AKT3: variants seen among roughly 807,000 people sequenced by gnomAD.
The protein encoded by AKT3 is RAC-gamma serine/threonine-protein kinase.
In AKT3, 15 loss-of-function variants were observed where a neutral mutation model predicts 65.3. The ratio of observed to expected loss-of-function variants is 0.23; its 90% confidence interval spans 0.15 to 0.35. The LOEUF (loss-of-function observed/expected upper bound fraction) is 0.35, where lower values mean the gene tolerates loss of function less well. Among genes scored for constraint, AKT3 ranks in the 10% least tolerant of loss-of-function variants. The pLI, the probability that AKT3 is intolerant of heterozygous loss-of-function variation, is 1.00. For synonymous variants in AKT3, 206 were observed against 183.8 expected (o/e 1.12, Z -0.98); for missense variants, 243 against 576.5 (o/e 0.42, Z 5.92).
intron 2 of AKT3, among the ~76,000 whole-genome samples, chr1:243,834,595 G>C (rs1377592711): frequency 6.6e-6 from 1 of 152,096 alleles, no homozygotes; most frequent in Non-Finnish European, 1.5e-5. Flanking sequence ...TGGAGGGTGG[G>C]AGAAAGGTGA....
chr1:243,695,729 AG>A lies in AKT3; in HGVS notation c.47-14del. 7 of 1,577,534 alleles carry A rather than the reference AG, an allele frequency of 4.4e-6. No homozygotes were observed. Among genetic ancestry groups the A allele is most frequent in the Non-Finnish European group, 6.0e-6 (7 of 1,166,122 alleles). On this transcript the variant is annotated splice_polypyrimidine_tract_variant and intron_variant, in intron 2 of 13. Transcript: ENST00000673466. ...TTTATATATTCTCCTACATGAGGAA[AG>A]CACGCATGTTAATGCTGAAAAAAAT...
At chr1:243,815,430 C>T (rs771831228) in intron 2 of AKT3, among the ~76,000 whole-genome samples, 3 of 152,174 alleles carry the variant, frequency 2.0e-5, no homozygotes, top group Non-Finnish European at 4.4e-5. Context: ...TTTAAGCCCT[C>T]GAGCAAAGCC....
intron 2 of AKT3, among the ~76,000 whole-genome samples, chr1:243,836,798 C>A (rs931232274): frequency 2.0e-5 from 3 of 151,634 alleles, no homozygotes; most frequent in African/African-American, 4.8e-5. Flanking sequence ...TAAATCCCAG[C>A]TACTCAGGAG....
At chr1:243,687,154 C>A (rs1259768724) in intron 3 of AKT3, among the ~76,000 whole-genome samples, 1 of 152,074 alleles carries the variant, frequency 6.6e-6, no homozygotes, top group Non-Finnish European at 1.5e-5. Context: ...TCCAGTATAC[C>A]AGATATTGTA....
intron 13 of AKT3, among the ~76,000 whole-genome samples, chr1:243,506,262 C>G (rs1226768593): frequency 6.6e-6 from 1 of 152,240 alleles, no homozygotes; most frequent in African/African-American, 2.4e-5. Context: ...TTAAATCCCC[C>G]GTGCTTGCCT....
At chr1:243,842,829 A>G (rs893128993) in intron 2 of AKT3, among the ~76,000 whole-genome samples, 1 of 152,218 alleles carries the variant, frequency 6.6e-6, no homozygotes, top group Non-Finnish European at 1.5e-5. Context: ...ATCTCTCCAG[A>G]TTACAGAACC....
intron 12 of AKT3, among the ~76,000 whole-genome samples, chr1:243,519,313 GAGC>G (rs779798763): frequency 9.2e-5 from 14 of 152,180 alleles, no homozygotes; most frequent in Admixed American, 2.0e-4. Flanking sequence ...CTGCAGACAA[GAGC>G]AGAACTTTCA....
chr1:243,611,390 T>G (rs1218761821), intron 8 of AKT3, among the ~76,000 whole-genome samples: 1 of 152,184 alleles, frequency 6.6e-6, no homozygotes, highest in Non-Finnish European at 1.5e-5. Context: ...GTCATTAAGA[T>G]GTAACAATAT....
In AKT3 at chr1:243,503,639, T is replaced by C. The variant is rs1020320237; in HGVS notation, c.*1610A>G. 1 of 232,182 alleles carries C rather than the reference T, an allele frequency of 4.3e-6. No homozygotes were observed. Among genetic ancestry groups the C allele is most frequent in the African/African-American group, 2.2e-5 (1 of 45,266 alleles). 14.4% of individuals were successfully genotyped at this position (232,182 alleles called of 1,614,324 possible). A position where few individuals can be genotyped will look rare whatever the true frequency, so the allele number is the denominator to read the frequency against. ...AGGAGAAAGATGAGGTTTGCATACATGCCCCCTTTCAGTGAGAAATGTTGG... is the reference window on the plus strand; with the variant it reads ...AGGAGAAAGATGAGGTTTGCATACACGCCCCCTTTCAGTGAGAAATGTTGG... On this transcript the variant is annotated 3_prime_UTR_variant, in exon 14 of 14. Coordinates refer to ENST00000673466, the MANE Select transcript of AKT3 (RefSeq NM_005465.7).
At position 243,806,649 on chromosome 1, in the gene AKT3, T is replaced by A. The variant is rs7542159; in HGVS notation, c.46+36476A>T. ...TCTAGTGTGATTCCTTGTACCTTAG[T>A]AGGGTCTCAATAAATATCACATAGC... is the stretch of plus-strand genomic sequence containing the variant. On this transcript the variant is annotated intron_variant, in intron 2 of 13. Transcript: ENST00000673466. Among the ~76,000 whole-genome samples, 1,358 of 152,296 alleles carry A rather than the reference T, an allele frequency of 8.9e-3. 15 individuals are homozygous for A. Among genetic ancestry groups the A allele is most frequent in the African/African-American group, 0.031 (1,286 of 41,566 alleles).
intron 2 of AKT3, among the ~76,000 whole-genome samples, chr1:243,820,939 G>A (rs1255205793): frequency 6.6e-6 from 1 of 152,040 alleles, no homozygotes; most frequent in Non-Finnish European, 1.5e-5. Flanking sequence ...GAGAACCCCA[G>A]TAAGATACTC....
intron 10 of AKT3, 138 bp downstream of exon 10, chr1:243,563,582 A>T: frequency 1.9e-6 from 2 of 1,057,276 alleles, no homozygotes; most frequent in Non-Finnish European, 2.6e-6. Context: ...ATAACAAATT[A>T]AGAGCCAAAA....
chr1:243,691,552 T>C lies in AKT3; in HGVS notation c.172+4039A>G, dbSNP rs575313537. The stretch of plus-strand genomic sequence containing the variant: ...GTGATTATAGAAAAGGATCATAGGT[T>C]CAAGAAATATGCAGAATCAGCAGGA... On this transcript the variant is annotated intron_variant, in intron 3 of 13. Transcript: ENST00000673466. Among the ~76,000 whole-genome samples the C allele has an allele frequency of 1.9e-3, 295 of 152,020 alleles. 1 individual carries two copies. The highest frequency in any genetic ancestry group is 6.8e-3 in the African/African-American group (283 of 41,488).
intron 5 of AKT3, among the ~76,000 whole-genome samples, chr1:243,644,298 A>C (rs777311504): frequency 8.5e-5 from 13 of 152,204 alleles, no homozygotes; most frequent in Admixed American, 1.3e-4. Context: ...TTTGGATATT[A>C]GTTAATTTCA....
chr1:243,644,379 GGGA>G (rs1379381399), intron 5 of AKT3, among the ~76,000 whole-genome samples: 1 of 152,058 alleles, frequency 6.6e-6, no homozygotes, highest in Non-Finnish European at 1.5e-5. Flanking sequence ...GTGCTAGAAA[GGGA>G]GGAGTTCAGA....
At position 243,510,083 on chromosome 1, in the gene AKT3, A is replaced by G. The variant is rs59794969; in HGVS notation, c.1354+2241T>C. 4.2e-3 allele frequency among the ~76,000 whole-genome samples: 633 copies of G among 152,338 alleles called. 6 individuals carry two copies. The highest frequency in any genetic ancestry group is 0.014 in the African/African-American group (583 of 41,586). On this transcript the variant is annotated intron_variant, in intron 13 of 13. Coordinates refer to ENST00000673466, the MANE Select transcript of AKT3 (RefSeq NM_005465.7). Reference sequence around the variant, plus strand: ...CCAAAATAACATATTTACTTGCTCTAAAGGTACGCAAATGCCAAATGCTCT... The same window carrying G: ...CCAAAATAACATATTTACTTGCTCTGAAGGTACGCAAATGCCAAATGCTCT...
At chr1:243,689,529 G>A (rs936694192) in intron 3 of AKT3, among the ~76,000 whole-genome samples, 63 of 131,978 alleles carry the variant, frequency 4.8e-4, no homozygotes, top group South Asian at 2.3e-4. Context: ...CTTCTATGTT[G>A]CCCAGGCCGG....
chr1:243,775,432 G>A lies in AKT3; in HGVS notation c.46+67693C>T, dbSNP rs575591420. Among the ~76,000 whole-genome samples the A allele has an allele frequency of 3.7e-4, 57 of 152,138 alleles. No homozygotes were observed. In the South Asian group the frequency reaches 7.9e-3, roughly 21 times the overall value. ...CCTGACCTTGTGATCTGCCCACCTC[G>A]GCCTCCCAAAGGGCTGGGATTACGG... On this transcript the variant is annotated intron_variant, in intron 2 of 13. Coordinates refer to ENST00000673466, the MANE Select transcript of AKT3 (RefSeq NM_005465.7).
intron 2 of AKT3, among the ~76,000 whole-genome samples, chr1:243,774,531 T>C (rs1410948958): frequency 1.3e-5 from 2 of 152,216 alleles, no homozygotes; most frequent in African/African-American, 4.8e-5. Flanking sequence ...TCCAGAAGCA[T>C]ACCTGCCTTC....
Sources: gnomAD v4.1 joint callset for allele counts (sites outside exome capture counted in the v4.1 genomes callset) on GRCh38, gnomAD v4.1.1 for gene constraint, MANE v1.5 for transcripts, NCBI Gene and HGNC (gene_info 2026-07-23, HGNC 2026-07-21) for gene names.